Variants in SLC9C2 observed in about 807,000 individuals in gnomAD.
The protein encoded by SLC9C2 is sodium/hydrogen exchanger 11.
SLC9C2 carries 75 observed loss-of-function variants against 140.2 expected under a neutral mutation model. The ratio of observed to expected loss-of-function variants is 0.53; its 90% CI spans 0.44 to 0.65. The LOEUF (loss-of-function observed/expected upper bound fraction) is 0.65. Ranked by LOEUF, SLC9C2 falls within the 30% of genes least tolerant of loss-of-function variation. The pLI is 0.00. For synonymous variants in SLC9C2, 375 were observed against 420.9 expected (o/e 0.89, Z 1.34); for missense variants, 1,074 against 1,331.8 (o/e 0.81, Z 3.01).
At chr1:173,562,995 G>A (rs1664214550) in intron 9 of SLC9C2, among the ~76,000 whole-genome samples, 1 of 151,176 alleles carries the variant, frequency 6.6e-6, no homozygotes, top group African/African-American at 2.4e-5. Flanking sequence ...TGGGAGAGCG[G>A]TGCCTCCCCT....
intron 8 of SLC9C2, among the ~76,000 whole-genome samples, chr1:173,573,711 T>C (rs1341408170): frequency 6.6e-6 from 1 of 152,208 alleles, no homozygotes. Flanking sequence ...TAACTTTGAC[T>C]TTGCAATAGC....
At chr1:173,541,090 T>C (rs969391908) in intron 13 of SLC9C2, among the ~76,000 whole-genome samples, 2 of 152,034 alleles carry the variant, frequency 1.3e-5, no homozygotes, top group African/African-American at 4.8e-5. Context: ...GACCCATCAG[T>C]GTGCTGTACT....
intron 4 of SLC9C2, among the ~76,000 whole-genome samples, chr1:173,593,577 G>A (rs1219999762): frequency 6.6e-6 from 1 of 152,144 alleles, no homozygotes; most frequent in Non-Finnish European, 1.5e-5. Flanking sequence ...AAGGCACAGA[G>A]TGACAAGCTA....
chr1:173,527,136 C>T (rs1661260038), intron 18 of SLC9C2, among the ~76,000 whole-genome samples: 2 of 152,180 alleles, frequency 1.3e-5, no homozygotes, highest in Admixed American at 1.3e-4. Flanking sequence ...TAAGCCACCA[C>T]ACCTAGCCTG....
In SLC9C2 at chr1:173,503,687, G is replaced by T. The variant is rs565928769; in HGVS notation, c.3311-361C>A. 3.3e-5 allele frequency among the ~76,000 whole-genome samples: 5 copies of T among 152,290 alleles called. No homozygotes were observed. The South Asian group carries it at 1.0e-3, about 32-fold the overall frequency. The stretch of plus-strand genomic sequence containing the variant: ...CCACATACAGGAATGAGGGCTGAGT[G>T]CTGGCAGACCTTATTTTTTCATGAA... On this transcript the variant is annotated intron_variant, in intron 26 of 27. Transcript: ENST00000367714.
chr1:173,586,348 G>C (rs1665847193), intron 5 of SLC9C2, among the ~76,000 whole-genome samples: 1 of 152,160 alleles, frequency 6.6e-6, no homozygotes, highest in Admixed American at 6.5e-5. Flanking sequence ...AAGCTGGAAA[G>C]GTTGGAGGTT....
At chr1:173,540,223 T>C (rs559215903) in intron 13 of SLC9C2, among the ~76,000 whole-genome samples, 1 of 152,240 alleles carries the variant, frequency 6.6e-6, no homozygotes, top group South Asian at 2.1e-4. Flanking sequence ...CTGCCAAACC[T>C]GCGAGTGAGG....
intron 27 of SLC9C2, among the ~76,000 whole-genome samples, chr1:173,502,577 C>T (rs755362665): frequency 2.6e-5 from 4 of 152,296 alleles, no homozygotes; most frequent in Non-Finnish European, 5.9e-5. Context: ...GCCCATATTC[C>T]TTTTCAACTC....
At chr1:173,590,705 A>G (rs527551926) in intron 4 of SLC9C2, among the ~76,000 whole-genome samples, 54 of 152,298 alleles carry the variant, frequency 3.5e-4, no homozygotes, top group African/African-American at 1.2e-3. Context: ...GTTCTATCTG[A>G]TAACAGAGAT....
chr1:173,569,425 A>T (rs1209901870), intron 9 of SLC9C2, among the ~76,000 whole-genome samples: 1 of 151,954 alleles, frequency 6.6e-6, no homozygotes, highest in Non-Finnish European at 1.5e-5. Context: ...GCCTTGAGGT[A>T]GCCTTCTTTG....
chr1:173,503,566 C>A (rs138350164), intron 26 of SLC9C2, among the ~76,000 whole-genome samples: 1 of 152,022 alleles, frequency 6.6e-6, no homozygotes, highest in African/African-American at 2.4e-5. Flanking sequence ...TTGAAGTGGG[C>A]GGGGTAAAGG....
At position 173,578,323 on chromosome 1, in the gene SLC9C2, C is replaced by T. The variant is rs558602126; in HGVS notation, c.803-1563G>A. Among the ~76,000 whole-genome samples the T allele has an allele frequency of 3.9e-5, 6 of 152,174 alleles. No individual in the cohort carries two copies. The South Asian group carries it at 1.2e-3, about 32-fold the overall frequency. ...GCCAATTGATGGTATGTTCATTAGT[C>T]AGGGAAAAGAACAAAATTAAACAAC... is the stretch of plus-strand genomic sequence containing the variant. On this transcript the variant is annotated intron_variant, in intron 7 of 27. Transcript: ENST00000367714.
chr1:173,560,016 G>GA (rs1270321220), intron 9 of SLC9C2, among the ~76,000 whole-genome samples: 2 of 151,982 alleles, frequency 1.3e-5, no homozygotes, highest in African/African-American at 2.4e-5. Context: ...CTGTTGATAT[G>GA]AAAAAAGGGT....
intron 8 of SLC9C2, among the ~76,000 whole-genome samples, chr1:173,575,148 C>A (rs187555611): frequency 8.3e-4 from 126 of 152,114 alleles, no homozygotes; most frequent in Non-Finnish European, 1.3e-3. Context: ...ATTCTCTCTA[C>A]AGGACCTAAA....
chr1:173,554,877 A>G (rs1052453361), intron 10 of SLC9C2, 63 bp from the exon 11 acceptor site: 22 of 943,662 alleles, frequency 2.3e-5, no homozygotes, highest in Middle Eastern at 2.2e-4. Context: ...AAAAGCAATC[A>G]TTGTTCAATT....
rs1281186216 is a variant in SLC9C2, at chr1:173,569,789, G to C, written c.1046+3393C>G. ...ACACAGCAAGACCCTGTCCCAAAAA[G>C]AAATAAAAAATAAAAAGTAGTATGA... On this transcript the variant is annotated intron_variant, in intron 9 of 27. Coordinates refer to ENST00000367714, the MANE Select transcript of SLC9C2 (RefSeq NM_178527.4). Among the ~76,000 whole-genome samples the C allele has an allele frequency of 2.0e-5, 3 of 152,028 alleles. No homozygotes were observed. The South Asian group carries it at 6.2e-4, about 32-fold the overall frequency.
At chr1:173,599,500 G>T (rs1392066406) in intron 3 of SLC9C2, among the ~76,000 whole-genome samples, 1 of 146,814 alleles carries the variant, frequency 6.8e-6, no homozygotes, top group Non-Finnish European at 1.5e-5. Context: ...TCAGCCTCCT[G>T]AGTAGCTGGG....
intron 8 of SLC9C2, among the ~76,000 whole-genome samples, chr1:173,573,950 G>C (rs1025323427): frequency 6.6e-6 from 1 of 152,194 alleles, no homozygotes; most frequent in African/African-American, 2.4e-5. Flanking sequence ...CACTAATGTA[G>C]TTTTTAAGCA....
chr1:173,587,081 C>T (rs1665896884), intron 5 of SLC9C2, among the ~76,000 whole-genome samples: 1 of 151,912 alleles, frequency 6.6e-6, no homozygotes, highest in South Asian at 2.1e-4. Context: ...AAATCATCTT[C>T]CACCTTACCA....
Sources: allele counts gnomAD v4.1 joint callset (sites outside exome capture counted in the v4.1 genomes callset), GRCh38; gene constraint gnomAD v4.1.1; transcripts MANE v1.5; gene names NCBI Gene and HGNC (gene_info 2026-07-23, HGNC 2026-07-21).